The following PKIB variants were observed in gnomAD, a reference collection of about 807,000 sequenced individuals.
The protein encoded by PKIB is PKI-beta.
Under a neutral mutation model 4.5 loss-of-function variants are expected in PKIB, and 2 were observed. The ratio of observed to expected loss-of-function variants is 0.44; its 90% CI spans 0.18 to 1.39. The LOEUF (loss-of-function observed/expected upper bound fraction) is 1.39, where lower values mean the gene tolerates loss of function less well. Among genes scored for constraint, PKIB ranks in the 40% most tolerant of loss-of-function variants. The probability of loss-of-function intolerance (pLI) is 0.27; values close to 1 mark genes in which losing one functional copy is unlikely to be tolerated. For missense variants in PKIB, 94 were observed against 92.6 expected (o/e 1.02, Z -0.06); for synonymous variants, 38 against 36.0 (o/e 1.06, Z -0.20).
intron 2 of PKIB, among the ~76,000 whole-genome samples, chr6:122,488,054 T>A (rs913753822): frequency 6.6e-6 from 1 of 152,200 alleles, no homozygotes; most frequent in Admixed American, 6.5e-5. Context: ...ATGTTGTTCC[T>A]CAGTAATTAT....
chr6:122,611,559 A>G (rs1371853884), intron 1 of PKIB, among the ~76,000 whole-genome samples: 3 of 152,228 alleles, frequency 2.0e-5, no homozygotes, highest in African/African-American at 7.2e-5. Context: ...AGTGGTTTGC[A>G]TACTGAAAGG....
intron 2 of PKIB, among the ~76,000 whole-genome samples, chr6:122,558,049 T>C (rs557867114): frequency 1.3e-5 from 2 of 152,298 alleles, no homozygotes; most frequent in South Asian, 4.1e-4. Flanking sequence ...TAGGAAGTCC[T>C]ATTTGTTAGG....
intron 3 of PKIB, among the ~76,000 whole-genome samples, chr6:122,604,238 G>C (rs1015370194): frequency 7.9e-5 from 12 of 152,140 alleles, no homozygotes; most frequent in Non-Finnish European, 1.5e-4. Flanking sequence ...AGTTTTAAGG[G>C]CATGTCAAAA....
chr6:122,575,584 C>T (rs1476721717), intron 2 of PKIB, among the ~76,000 whole-genome samples: 2 of 152,016 alleles, frequency 1.3e-5, no homozygotes, highest in Admixed American at 6.6e-5. Context: ...TACTACTCAG[C>T]CATAAAAAAG....
intron 3 of PKIB, among the ~76,000 whole-genome samples, chr6:122,594,113 C>T (rs1774094545): frequency 6.6e-6 from 1 of 152,104 alleles, no homozygotes; most frequent in South Asian, 2.1e-4. Flanking sequence ...AATCCCCAAC[C>T]CAAAAGCTAT....
At chr6:122,553,121 T>A (rs1772729405) in intron 2 of PKIB, among the ~76,000 whole-genome samples, 1 of 152,154 alleles carries the variant, frequency 6.6e-6, no homozygotes, top group Non-Finnish European at 1.5e-5. Flanking sequence ...TACCCAAAGC[T>A]CTCTGTCACC....
chr6:122,505,797 C>T (rs779868440), intron 2 of PKIB, among the ~76,000 whole-genome samples: 13 of 151,984 alleles, frequency 8.6e-5, no homozygotes, highest in Non-Finnish European at 1.8e-4. Flanking sequence ...ATTTTAATCA[C>T]ATTGTATTTG....
At chr6:122,649,580 C>T (rs1210485027) in intron 2 of PKIB, among the ~76,000 whole-genome samples, 1 of 152,072 alleles carries the variant, frequency 6.6e-6, no homozygotes, top group South Asian at 2.1e-4. Context: ...ATTACTTGAG[C>T]CTGTTTCAGC....
At chr6:122,584,616 T>A (rs1773798415) in intron 2 of PKIB, among the ~76,000 whole-genome samples, 1 of 152,120 alleles carries the variant, frequency 6.6e-6, no homozygotes, top group African/African-American at 2.4e-5. Flanking sequence ...TTAAATACAG[T>A]TTTAATGAAC....
At position 122,472,956 on chromosome 6, in the gene PKIB, C is replaced by G. The variant is rs146816985; in HGVS notation, c.-337+915C>G. On this transcript the variant is annotated intron_variant, in intron 1 of 6. Coordinates refer to the PKIB transcript ENST00000392491. ...TGAAACCCCATCTCTACTAAAAATA[C>G]AAAAAATTAGCCGGGCATGGTGGCA... 3.2e-4 allele frequency among the ~76,000 whole-genome samples: 49 copies of G among 152,098 alleles called. No individual in the cohort carries two copies. The East Asian group carries it at 3.5e-3, about 11-fold the overall frequency.
At chr6:122,532,948 A>G (rs1777300894) in intron 2 of PKIB, among the ~76,000 whole-genome samples, 1 of 152,152 alleles carries the variant, frequency 6.6e-6, no homozygotes, top group African/African-American at 2.4e-5. Context: ...GATCTTGAAC[A>G]TCTTTTCATA....
intron 4 of PKIB, among the ~76,000 whole-genome samples, chr6:122,720,247 C>A (rs1342433330): frequency 6.6e-6 from 1 of 151,994 alleles, no homozygotes; most frequent in Non-Finnish European, 1.5e-5. Flanking sequence ...AAGTGTTTTG[C>A]ATGCTGCATG....
chr6:122,511,248 G>A (rs2114580930), intron 2 of PKIB, among the ~76,000 whole-genome samples: 1 of 152,142 alleles, frequency 6.6e-6, no homozygotes, highest in African/African-American at 2.4e-5. Context: ...TAATTTCACA[G>A]TTCTCTGTTT....
chr6:122,695,095 A>G (rs1210790117), intron 3 of PKIB, among the ~76,000 whole-genome samples: 1 of 152,196 alleles, frequency 6.6e-6, no homozygotes, highest in African/African-American at 2.4e-5. Context: ...AAAAAGCTAC[A>G]AAGATCAAGT....
At chr6:122,653,376 T>G (rs1776640963) in intron 2 of PKIB, among the ~76,000 whole-genome samples, 1 of 151,906 alleles carries the variant, frequency 6.6e-6, no homozygotes, top group Admixed American at 6.6e-5. Flanking sequence ...TGTGGAATAA[T>G]GGTGTGTGTT....
intron 1 of PKIB, among the ~76,000 whole-genome samples, chr6:122,615,998 G>A (rs1774968623): frequency 6.6e-6 from 1 of 152,134 alleles, no homozygotes; most frequent in African/African-American, 2.4e-5. Flanking sequence ...TAATACAGTG[G>A]GTGTGAGTAA....
chr6:122,566,871 C>T (rs376573732), intron 2 of PKIB, among the ~76,000 whole-genome samples: 11 of 152,270 alleles, frequency 7.2e-5, no homozygotes, highest in African/African-American at 2.4e-4. Context: ...TTTTCATGGA[C>T]TTTCCCTTAG....
At position 122,519,279 on chromosome 6, in the gene PKIB, A is replaced by G. The variant is rs139332017; in HGVS notation, c.-248+41340A>G. ...GCCTGATGATCTGTCACTGTCTCCC[A>G]TCACCCCCAGATGAGACTGTCTAGT... On this transcript the variant is annotated intron_variant, in intron 2 of 6. Coordinates refer to the PKIB transcript ENST00000392491. 9.2e-3 allele frequency among the ~76,000 whole-genome samples: 1,395 copies of G among 152,262 alleles called. 4 individuals are homozygous for G. The highest frequency in any genetic ancestry group is 0.024 in the Middle Eastern group (7 of 294).
intron 1 of PKIB, among the ~76,000 whole-genome samples, chr6:122,629,893 G>A (rs536512858): frequency 1.2e-4 from 19 of 152,188 alleles, no homozygotes; most frequent in Admixed American, 5.2e-4. Flanking sequence ...CACGTAATGC[G>A]GTATCCTAAA....
Sources: gnomAD v4.1 joint callset for allele counts (sites outside exome capture counted in the v4.1 genomes callset) on GRCh38, gnomAD v4.1.1 for gene constraint, MANE v1.5 for transcripts, NCBI Gene and HGNC (gene_info 2026-07-23, HGNC 2026-07-21) for gene names.